PARP12: variants seen among roughly 807,000 people sequenced by gnomAD.
The protein encoded by PARP12 is poly(ADP-ribose) polymerase family member 12.
A neutral mutation model predicts 72.4 loss-of-function variants in PARP12; 59 were observed. That is an observed-to-expected ratio of 0.81 (90% CI 0.66 to 1.01). The LOEUF (loss-of-function observed/expected upper bound fraction) is 1.01. Among genes scored for constraint, PARP12 ranks in the 50% least tolerant of loss-of-function variants. PARP12 has a pLI of 0.00. For missense variants in PARP12, 851 were observed against 914.0 expected, an observed-to-expected ratio of 0.93 and a Z score of 0.89; for synonymous variants, 403 against 371.4, an observed-to-expected ratio of 1.09 and a Z score of -0.98.
At position 140,024,406 on chromosome 7, in the gene PARP12, A is replaced by T; in HGVS notation, c.*154T>A. On this transcript the variant is annotated 3_prime_UTR_variant, in exon 12 of 12. Transcript: ENST00000263549. ...ACCCAAAAGTGACTTAAAAGTAAAAATCATTATTAGCAAGAGATTAAGAAC... is the reference window on the plus strand; with the variant it reads ...ACCCAAAAGTGACTTAAAAGTAAAATTCATTATTAGCAAGAGATTAAGAAC... 1 of 911,746 alleles carries T rather than the reference A, an allele frequency of 1.1e-6. No homozygotes were observed. Among genetic ancestry groups the T allele is most frequent in the Non-Finnish European group, 1.7e-6 (1 of 584,362 alleles). The allele number at this position is 911,746 out of a possible 1,614,324, so 56.5% of individuals were successfully genotyped here. A position where few individuals can be genotyped will look rare whatever the true frequency, so the allele number is the denominator to read the frequency against.
intron 6 of PARP12, among the ~76,000 whole-genome samples, chr7:140,040,786 T>G (rs10272182): frequency 6.6e-6 from 1 of 152,204 alleles, no homozygotes; most frequent in Non-Finnish European, 1.5e-5. Flanking sequence ...GTACTTGAGA[T>G]GGAATCTCGC....
intron 7 of PARP12, 174 bp from the exon 8 acceptor site, chr7:140,034,505 A>G (rs1024593596): frequency 2.0e-6 from 1 of 491,570 alleles, no homozygotes; most frequent in Non-Finnish European, 3.6e-6. Flanking sequence ...ATTCATAAAG[A>G]AAATAGGTAT....
intron 10 of PARP12, among the ~76,000 whole-genome samples, chr7:140,026,764 G>A (rs1271749458): frequency 6.6e-6 from 1 of 152,058 alleles, no homozygotes; most frequent in African/African-American, 2.4e-5. Context: ...TCATCACTGT[G>A]CACAGAGTAC....
In PARP12 at chr7:140,062,638, C is replaced by T; in HGVS notation, c.210G>A (p.Ser70=). The T allele has an allele frequency of 6.8e-7, 1 of 1,475,182 alleles. No individual in the cohort carries two copies. Among genetic ancestry groups the T allele is most frequent in the Non-Finnish European group, 9.0e-7 (1 of 1,115,546 alleles). The allele number at this position is 1,475,182 out of a possible 1,614,324, so 91.4% of individuals were successfully genotyped here. The change falls in exon 1 of 12, where the codon TCG becomes TCA. Residue 70 remains serine (S), a synonymous_variant. Coordinates refer to ENST00000263549, the MANE Select transcript of PARP12 (RefSeq NM_022750.4). ...AAPERVVLAA[S]PLRLCRAHQG... is the part of the protein sequence containing the mutation. ...GGTGCGCGCGACACAGGCGCAGCGG[C>T]GAGGCGGCCAGCACCACGCGCTCCG...
At chr7:140,025,154 C>A (rs1055780990) in intron 11 of PARP12, 1 of 473,162 alleles carries the variant, frequency 2.1e-6, no homozygotes, top group East Asian at 4.1e-5. Flanking sequence ...CCCCACGAAA[C>A]CTAAAGGCCT....
intron 6 of PARP12, among the ~76,000 whole-genome samples, chr7:140,038,656 ATTAAAT>A (rs1478435613): frequency 6.6e-6 from 1 of 152,218 alleles, no homozygotes; most frequent in Non-Finnish European, 1.5e-5. Flanking sequence ...CACCGTTCTT[ATTAAAT>A]TTGAGATTAC....
intron 11 of PARP12, chr7:140,025,681 T>C (rs1420890312): frequency 8.4e-6 from 3 of 356,236 alleles, no homozygotes; most frequent in Non-Finnish European, 1.7e-5. Flanking sequence ...AGAGGTTTTT[T>C]TTAATTATTA....
At chr7:140,038,185 CA>C in intron 6 of PARP12, 1 of 985,466 alleles carries the variant, frequency 1.0e-6, no homozygotes, top group Non-Finnish European at 1.2e-6. Context: ...AGAACAGCAA[CA>C]GCGACTTCTG....
chr7:140,039,453 G>A (rs1056158748), intron 6 of PARP12, among the ~76,000 whole-genome samples: 10 of 152,112 alleles, frequency 6.6e-5, no homozygotes, highest in Admixed American at 6.5e-4. Context: ...TGCCCTCAGT[G>A]GGAGGTTTGG....
At chr7:140,060,872 G>A (rs1035322184) in intron 1 of PARP12, among the ~76,000 whole-genome samples, 2 of 152,136 alleles carry the variant, frequency 1.3e-5, no homozygotes, top group African/African-American at 4.8e-5. Context: ...AACATACACC[G>A]CCCAATATCT....
chr7:140,050,519 G>A (rs1228399053), intron 4 of PARP12, among the ~76,000 whole-genome samples: 2 of 152,116 alleles, frequency 1.3e-5, no homozygotes, highest in East Asian at 3.8e-4. Context: ...ATCCAAATCA[G>A]CCCCATGGAA....
chr7:140,038,196 G>C lies in PARP12; in HGVS notation c.1183-340C>G, dbSNP rs938992653. 35 of 985,334 alleles carry C rather than the reference G, an allele frequency of 3.6e-5. No individual in the cohort carries two copies. The Admixed American group carries it at 2.2e-3, about 61-fold the overall frequency. 61.0% of individuals were successfully genotyped at this position (985,334 alleles called of 1,614,324 possible). A position where few individuals can be genotyped will look rare whatever the true frequency, so the allele number is the denominator to read the frequency against. ...CGGCAGAACAGCAACAGCGACTTCT[G>C]GAGTGCTGCTTGACTGGGCAGCCCA... On this transcript the variant is annotated intron_variant, in intron 6 of 11. Transcript: ENST00000263549.
At chr7:140,043,345 G>A (rs534883608) in intron 5 of PARP12, among the ~76,000 whole-genome samples, 1 of 152,180 alleles carries the variant, frequency 6.6e-6, no homozygotes, top group South Asian at 2.1e-4. Context: ...CTCAGATGCA[G>A]ATATACGTGA....
chr7:140,051,025 GAGA>G (rs1175265513), intron 4 of PARP12, among the ~76,000 whole-genome samples: 5 of 152,116 alleles, frequency 3.3e-5, no homozygotes, highest in African/African-American at 1.2e-4. Context: ...CAAATCTATA[GAGA>G]TGGAACCTTC....
At chr7:140,042,956 G>A (rs1337438792) in intron 5 of PARP12, among the ~76,000 whole-genome samples, 1 of 152,194 alleles carries the variant, frequency 6.6e-6, no homozygotes, top group Non-Finnish European at 1.5e-5. Context: ...AGCACTTTGG[G>A]AGGCCAAGGC....
chr7:140,033,922 A>G, intron 8 of PARP12: 1 of 1,024,250 alleles, frequency 9.8e-7, no homozygotes, highest in Non-Finnish European at 1.2e-6. Context: ...TCTATGACTC[A>G]ATGATTCCAC....
At chr7:140,026,484 C>A in intron 10 of PARP12, 136 bp from the exon 11 acceptor site, 4 of 1,082,036 alleles carry the variant, frequency 3.7e-6, no homozygotes, top group Non-Finnish European at 4.8e-6. Flanking sequence ...ACAGGCTACC[C>A]TGACTAGGCC....
At chr7:140,040,309 G>A (rs1325638327) in intron 6 of PARP12, among the ~76,000 whole-genome samples, 2 of 152,192 alleles carry the variant, frequency 1.3e-5, no homozygotes, top group East Asian at 1.9e-4. Context: ...GCAGGTCAGA[G>A]AGAGTCCCAG....
chr7:140,035,603 G>A (rs1435191664), intron 7 of PARP12, among the ~76,000 whole-genome samples: 1 of 152,166 alleles, frequency 6.6e-6, no homozygotes, highest in Non-Finnish European at 1.5e-5. Flanking sequence ...TGCCTTGAGT[G>A]AATCATTTAT....
Sources: gnomAD v4.1 joint callset for allele counts (sites outside exome capture counted in the v4.1 genomes callset) on GRCh38, gnomAD v4.1.1 for gene constraint, MANE v1.5 for transcripts, NCBI Gene and HGNC (gene_info 2026-07-23, HGNC 2026-07-21) for gene names.